Variants in SSBP2 observed in about 807,000 individuals in gnomAD.
SSBP2 encodes the protein single-stranded DNA-binding protein 2.
A neutral mutation model predicts 61.8 loss-of-function variants in SSBP2; 17 were observed. The observed-to-expected ratio is 0.28, with a 90% CI of 0.19 to 0.41. SSBP2 has a LOEUF of 0.41. Among genes scored for constraint, SSBP2 ranks in the 10% least tolerant of loss-of-function variants. The pLI is 1.00. For missense variants in SSBP2, 310 were observed against 458.7 expected (o/e 0.68, Z 2.96); for synonymous variants, 139 against 141.3 (o/e 0.98, Z 0.12).
chr5:81,573,640 G>A (rs1256211599), intron 4 of SSBP2, among the ~76,000 whole-genome samples: 2 of 152,160 alleles, frequency 1.3e-5, no homozygotes, highest in African/African-American at 4.8e-5. Flanking sequence ...GCCTGCCAGG[G>A]CAAATACAAA....
chr5:81,611,942 A>G (rs1344664967), intron 4 of SSBP2, among the ~76,000 whole-genome samples: 1 of 152,106 alleles, frequency 6.6e-6, no homozygotes, highest in East Asian at 1.9e-4. Context: ...CATATGATTA[A>G]CAATACTGTA....
chr5:81,669,900 G>A (rs115225157), intron 1 of SSBP2, among the ~76,000 whole-genome samples: 1,864 of 152,186 alleles, frequency 0.012, 35 homozygotes, highest in African/African-American at 0.04. Context: ...CTAAGAGAAA[G>A]AAACCAATCT....
intron 4 of SSBP2, among the ~76,000 whole-genome samples, chr5:81,542,022 C>CA (rs1315802548): frequency 2.0e-5 from 3 of 152,106 alleles, no homozygotes; most frequent in Non-Finnish European, 2.9e-5. Flanking sequence ...ACTCTGCATT[C>CA]AACAAAGGTC....
chr5:81,686,898 GAAA>G (rs1752849354), intron 1 of SSBP2, among the ~76,000 whole-genome samples: 1 of 135,022 alleles, frequency 7.4e-6, no homozygotes, highest in African/African-American at 2.9e-5. Context: ...GAAAAGAAAA[GAAA>G]AGAAAAGAAA....
chr5:81,564,554 G>A (rs1164640563), intron 4 of SSBP2, among the ~76,000 whole-genome samples: 1 of 152,178 alleles, frequency 6.6e-6, no homozygotes, highest in Admixed American at 6.5e-5. Context: ...AAATATAGCT[G>A]ATTAGTCCAG....
chr5:81,664,305 T>A (rs1037385284), intron 1 of SSBP2, among the ~76,000 whole-genome samples: 5 of 151,786 alleles, frequency 3.3e-5, no homozygotes, highest in Non-Finnish European at 7.4e-5. Flanking sequence ...TTTTTTTGTA[T>A]TTTTAGTAGA....
chr5:81,747,771 G>A (rs566671785), intron 1 of SSBP2, among the ~76,000 whole-genome samples: 45 of 152,216 alleles, frequency 3.0e-4, no homozygotes, highest in African/African-American at 1.0e-3. Flanking sequence ...ATATTTTAGG[G>A]AAAGTTAAAC....
chr5:81,725,790 T>C (rs965848608), intron 1 of SSBP2, among the ~76,000 whole-genome samples: 81 of 152,070 alleles, frequency 5.3e-4, no homozygotes, highest in African/African-American at 1.8e-3. Flanking sequence ...TTTGCAGAGG[T>C]GGAGTTGTGG....
intron 4 of SSBP2, among the ~76,000 whole-genome samples, chr5:81,586,626 CAAAAA>C (rs35214821): frequency 8.7e-6 from 1 of 114,290 alleles, no homozygotes; most frequent in Non-Finnish European, 1.9e-5. Flanking sequence ...CTGCAGTATG[CAAAAA>C]AAAAAAAAAA....
intron 1 of SSBP2, among the ~76,000 whole-genome samples, chr5:81,742,267 T>C (rs1467089454): frequency 1.3e-5 from 2 of 152,156 alleles, no homozygotes; most frequent in African/African-American, 2.4e-5. Flanking sequence ...ACACACATCA[T>C]AATATAATCT....
At chr5:81,435,412 C>T (rs1386220641) in intron 15 of SSBP2, among the ~76,000 whole-genome samples, 1 of 152,032 alleles carries the variant, frequency 6.6e-6, no homozygotes, top group African/African-American at 2.4e-5. Context: ...TTTCTATGTC[C>T]CCATAGTGCA....
At chr5:81,558,896 G>A (rs904258459) in intron 4 of SSBP2, among the ~76,000 whole-genome samples, 1 of 152,164 alleles carries the variant, frequency 6.6e-6, no homozygotes, top group Non-Finnish European at 1.5e-5. Context: ...GTGTCATAAT[G>A]CCTAGACTTA....
intron 6 of SSBP2, among the ~76,000 whole-genome samples, chr5:81,481,489 T>A (rs1340574320): frequency 6.6e-6 from 1 of 151,490 alleles, no homozygotes. Flanking sequence ...GGTGTGATGG[T>A]GGGCACTTGT....
At chr5:81,683,783 C>T (rs7729317) in intron 1 of SSBP2, among the ~76,000 whole-genome samples, 8,015 of 152,048 alleles carry the variant, frequency 0.053, 419 homozygotes, top group African/African-American at 0.13. Flanking sequence ...AATGAACAAC[C>T]TGATTAAAAA....
chr5:81,594,398 C>T lies in SSBP2; in HGVS notation c.282+21075G>A, dbSNP rs796946847. 3.9e-5 allele frequency among the ~76,000 whole-genome samples: 6 copies of T among 152,248 alleles called. No homozygotes were observed. The South Asian group carries it at 1.2e-3, about 32-fold the overall frequency. On this transcript the variant is annotated intron_variant, in intron 4 of 16. Coordinates refer to ENST00000320672, the MANE Select transcript of SSBP2 (RefSeq NM_012446.5). The stretch of plus-strand genomic sequence containing the variant: ...ACTCCCACACAATAATAATGGGAGA[C>T]TTTAACACCCCACTGTCAACATTAG...
intron 1 of SSBP2, among the ~76,000 whole-genome samples, chr5:81,691,266 A>T (rs1268552779): frequency 1.3e-5 from 2 of 152,142 alleles, no homozygotes; most frequent in Non-Finnish European, 2.9e-5. Flanking sequence ...CAAAAGATCA[A>T]TGAAAAAGTT....
At chr5:81,669,074 T>A (rs1034580060) in intron 1 of SSBP2, among the ~76,000 whole-genome samples, 3 of 152,180 alleles carry the variant, frequency 2.0e-5, no homozygotes, top group African/African-American at 7.2e-5. Flanking sequence ...TATGTTCAAC[T>A]AAATAGAAAT....
At chr5:81,539,512 T>C (rs1463429341) in intron 4 of SSBP2, among the ~76,000 whole-genome samples, 1 of 152,218 alleles carries the variant, frequency 6.6e-6, no homozygotes, top group Non-Finnish European at 1.5e-5. Flanking sequence ...CTACTGTGGG[T>C]CAAATGCCAT....
Position 81,488,049 on chromosome 5 carries a change from A to ATATATATAT in SSBP2, c.432+1192_432+1200dup, listed in dbSNP as rs1766551433. Among the ~76,000 whole-genome samples the ATATATATAT allele has an allele frequency of 2.4e-4, 12 of 50,528 alleles. 1 individual carries two copies. Among genetic ancestry groups the ATATATATAT allele is most frequent in the Non-Finnish European group, 3.5e-4 (10 of 28,580 alleles). 33.1% of individuals were successfully genotyped at this position (50,528 alleles called of 152,430 possible). On this transcript the variant is annotated intron_variant, in intron 6 of 16. Transcript: ENST00000320672. ...TATATATATATATATATATATATAT[A>ATATATATAT]TATATATATAAATAAAATATCATAT...
Sources: allele counts gnomAD v4.1 joint callset (sites outside exome capture counted in the v4.1 genomes callset), GRCh38; gene constraint gnomAD v4.1.1; transcripts MANE v1.5; gene names NCBI Gene and HGNC (gene_info 2026-07-23, HGNC 2026-07-21).